Variants in LIN52 observed in about 807,000 individuals in gnomAD.
LIN52 encodes lin-52 DREAM MuvB core complex component, also known as protein lin-52 homolog.
LIN52 carries 4 observed loss-of-function variants against 18.5 expected under a neutral mutation model. That is an observed-to-expected ratio of 0.22 (90% CI 0.11 to 0.49). The LOEUF (loss-of-function observed/expected upper bound fraction) is 0.49. Among genes scored for constraint, LIN52 ranks in the 20% least tolerant of loss-of-function variants. LIN52 has a pLI of 0.97. For missense variants in LIN52, 102 were observed against 139.5 expected (o/e 0.73, Z 1.35); for synonymous variants, 34 against 45.5 (o/e 0.75, Z 1.02).
chr14:74,143,751 A>G (rs2061142687), intron 5 of LIN52, among the ~76,000 whole-genome samples: 1 of 152,190 alleles, frequency 6.6e-6, no homozygotes, highest in Non-Finnish European at 1.5e-5. Flanking sequence ...TAGCATATCT[A>G]TTACCACATG....
chr14:74,197,385 T>G (rs1276142926), intron 5 of LIN52, among the ~76,000 whole-genome samples: 1 of 152,218 alleles, frequency 6.6e-6, no homozygotes, highest in Admixed American at 6.5e-5. Context: ...ACATCTCTGA[T>G]GACAAGTGAA....
chr14:74,133,770 T>G (rs1439277269), intron 5 of LIN52, among the ~76,000 whole-genome samples: 1 of 152,234 alleles, frequency 6.6e-6, no homozygotes, highest in East Asian at 1.9e-4. Context: ...TGGTAAAAGA[T>G]GTCCTGCACC....
At chr14:74,153,966 A>T (rs564003791) in intron 5 of LIN52, among the ~76,000 whole-genome samples, 1 of 152,352 alleles carries the variant, frequency 6.6e-6, no homozygotes, top group African/African-American at 2.4e-5. Flanking sequence ...TGTAAATTTT[A>T]GAATATTTTT....
chr14:74,095,786 C>T, intron 2 of LIN52, 162 bp from the exon 3 acceptor site: 1 of 478,134 alleles, frequency 2.1e-6, no homozygotes, highest in Non-Finnish European at 3.6e-6. Context: ...ATAGTCCTGG[C>T]ATCTTTCTTT....
intron 1 of LIN52, among the ~76,000 whole-genome samples, chr14:74,089,649 G>A (rs1424358717): frequency 3.9e-5 from 6 of 152,062 alleles, no homozygotes; most frequent in African/African-American, 7.2e-5. Context: ...GATTACAGGC[G>A]TGCACCACTG....
chr14:74,142,129 A>G (rs1413727296), intron 5 of LIN52, among the ~76,000 whole-genome samples: 22 of 152,202 alleles, frequency 1.4e-4, no homozygotes, highest in Admixed American at 1.4e-3. Flanking sequence ...CTGTCTTAAT[A>G]AGAGAATCTG....
chr14:74,161,267 C>T (rs750547257), intron 5 of LIN52, among the ~76,000 whole-genome samples: 47 of 152,040 alleles, frequency 3.1e-4, no homozygotes, highest in Non-Finnish European at 6.0e-4. Context: ...CTCACTGCAA[C>T]CTCCGCCTCC....
intron 4 of LIN52, among the ~76,000 whole-genome samples, chr14:74,100,258 TATAA>T (rs778927685): frequency 2.0e-5 from 3 of 152,230 alleles, no homozygotes; most frequent in African/African-American, 4.8e-5. Flanking sequence ...AAACAAATGT[TATAA>T]ATAATGTTTC....
intron 5 of LIN52, among the ~76,000 whole-genome samples, chr14:74,131,190 A>G (rs557657613): frequency 7.2e-5 from 11 of 152,202 alleles, no homozygotes; most frequent in African/African-American, 2.2e-4. Context: ...ATTGTCCAGT[A>G]TAGTTGTGCT....
chr14:74,085,573 A>G (rs2139834966), intron 1 of LIN52: 1 of 152,318 alleles, frequency 6.6e-6, no homozygotes, highest in African/African-American at 2.4e-5. Flanking sequence ...GAGAATCAGT[A>G]TTGAGCTTTT....
chr14:74,151,092 G>A (rs10144451), intron 5 of LIN52, among the ~76,000 whole-genome samples: 295 of 152,112 alleles, frequency 1.9e-3, no homozygotes, highest in African/African-American at 6.8e-3. Context: ...TGAGGTCACC[G>A]GCATAGAGAA....
intron 5 of LIN52, among the ~76,000 whole-genome samples, chr14:74,105,657 A>G (rs7160336): frequency 0.54 from 81,888 of 151,596 alleles, 23,022 homozygotes; most frequent in East Asian, 0.89. Context: ...CTGGTGTTTC[A>G]ATGTCTAAAT....
At chr14:74,138,191 C>T (rs913725008) in intron 5 of LIN52, among the ~76,000 whole-genome samples, 1 of 152,124 alleles carries the variant, frequency 6.6e-6, no homozygotes, top group Non-Finnish European at 1.5e-5. Flanking sequence ...GCATGTGTTC[C>T]GCACATTCAG....
At chr14:74,116,715 A>T (rs2060966689) in intron 5 of LIN52, among the ~76,000 whole-genome samples, 1 of 151,794 alleles carries the variant, frequency 6.6e-6, no homozygotes. Flanking sequence ...TCTCTAAAAA[A>T]AAAAAAAAGA....
At chr14:74,159,050 A>G (rs2061213009) in intron 5 of LIN52, among the ~76,000 whole-genome samples, 1 of 152,162 alleles carries the variant, frequency 6.6e-6, no homozygotes, top group Non-Finnish European at 1.5e-5. Flanking sequence ...GCCACAGGAG[A>G]CAAACATTTA....
At chr14:74,118,951 T>A (rs1162525510) in intron 5 of LIN52, among the ~76,000 whole-genome samples, 1 of 152,042 alleles carries the variant, frequency 6.6e-6, no homozygotes, top group African/African-American at 2.4e-5. Context: ...TGTGTCTGAC[T>A]TTTGATCAGC....
rs545099200 is a variant in LIN52 at position 74,187,656 on chromosome 14, A to G, written c.284-11266A>G. Among the ~76,000 whole-genome samples, 7 of 152,260 alleles carry G rather than the reference A, an allele frequency of 4.6e-5. 1 individual carries two copies. The South Asian group carries it at 1.0e-3, about 23-fold the overall frequency. ...AAATTATGTGCCTTCTAAGTGTCCT[A>G]TTTATTTATTTCACAAATATTTGTT... On this transcript the variant is annotated intron_variant, in intron 5 of 5. Transcript: ENST00000555028.
At chr14:74,168,933 G>A (rs1210032005) in intron 5 of LIN52, among the ~76,000 whole-genome samples, 2 of 150,992 alleles carry the variant, frequency 1.3e-5, no homozygotes, top group African/African-American at 2.4e-5. Context: ...ATGGTGGCGC[G>A]TGCCCAGCTA....
chr14:74,122,697 C>T (rs2061006972), intron 5 of LIN52, among the ~76,000 whole-genome samples: 1 of 152,064 alleles, frequency 6.6e-6, no homozygotes, highest in Non-Finnish European at 1.5e-5. Flanking sequence ...GAAACCCTGT[C>T]TCTACTAAAA....
Sources: gnomAD v4.1 joint callset for allele counts (sites outside exome capture counted in the v4.1 genomes callset) on GRCh38, gnomAD v4.1.1 for gene constraint, MANE v1.5 for transcripts, NCBI Gene and HGNC (gene_info 2026-07-23, HGNC 2026-07-21) for gene names.